Variants in ARPC1A observed in about 807,000 individuals in gnomAD.
The protein encoded by ARPC1A is actin related protein 2/3 complex subunit 1A, also known as actin-related protein 2/3 complex subunit 1A.
A neutral mutation model predicts 46.9 loss-of-function variants in ARPC1A; 8 were observed. The observed-to-expected ratio is 0.17, with a 90% CI of 0.10 to 0.31. The LOEUF is 0.31. Among genes scored for constraint, ARPC1A ranks in the 10% least tolerant of loss-of-function variants. The pLI is 1.00. For missense variants in ARPC1A, 286 were observed against 483.6 expected (o/e 0.59, Z 3.83); for synonymous variants, 152 against 169.0 (o/e 0.90, Z 0.78).
At chr7:99,329,556 A>G (rs998909210) in intron 1 of ARPC1A, among the ~76,000 whole-genome samples, 6 of 152,224 alleles carry the variant, frequency 3.9e-5, no homozygotes, top group African/African-American at 1.4e-4. Flanking sequence ...GGTGCATTCT[A>G]AATTTGACAA....
intron 8 of ARPC1A, among the ~76,000 whole-genome samples, chr7:99,360,534 C>T (rs1374331848): frequency 6.6e-6 from 1 of 152,052 alleles, no homozygotes; most frequent in Non-Finnish European, 1.5e-5. Context: ...ACCCTGTTGG[C>T]CATCCTGGTT....
intron 4 of ARPC1A, among the ~76,000 whole-genome samples, chr7:99,348,633 C>T (rs994759880): frequency 8.5e-5 from 13 of 152,106 alleles, no homozygotes; most frequent in African/African-American, 2.7e-4. Context: ...GACAGAAGAA[C>T]GTTGAATGCT....
At chr7:99,330,135 C>T (rs375556802) in intron 1 of ARPC1A, among the ~76,000 whole-genome samples, 7 of 151,916 alleles carry the variant, frequency 4.6e-5, no homozygotes, top group African/African-American at 1.7e-4. Context: ...AATTCCTAAG[C>T]TTTTTCTTTG....
At chr7:99,352,205 T>C (rs1278001494) in intron 5 of ARPC1A, among the ~76,000 whole-genome samples, 1 of 152,172 alleles carries the variant, frequency 6.6e-6, no homozygotes, top group Admixed American at 6.5e-5. Context: ...CAGGAAAGAA[T>C]GCTGTGGCCA....
At position 99,338,282 on chromosome 7, in the gene ARPC1A, A is replaced by G. The variant is rs932128800; in HGVS notation, c.166A>G (p.Thr56Ala). ...ACTCAAGGAGCACAACGGACACATC[A>G]CAGGTAAAGGAAGATAGCCGTGAGC... Reference protein sequence around the residue: ...HELKEHNGHITGIDWAPKSDR... With the variant: ...HELKEHNGHIAGIDWAPKSDR... Residue 56 changes from threonine (T) to alanine (A), a missense_variant, in exon 3 of 10, where the codon ACA becomes GCA. Thr to Ala is a moderately conservative substitution (Grantham distance 58). This residue lies in a region of ARPC1A where 38 missense variants were observed against 95.8 expected (regional missense o/e 0.40). Coordinates refer to ENST00000262942, the MANE Select transcript of ARPC1A (RefSeq NM_006409.4). 2 of 1,598,936 alleles carry G rather than the reference A, an allele frequency of 1.3e-6. No individual in the cohort carries two copies. The highest frequency in any genetic ancestry group is 1.7e-6 in the Non-Finnish European group (2 of 1,168,020).
chr7:99,344,573 G>A, intron 4 of ARPC1A, 58 bp downstream of exon 4: 2 of 1,531,542 alleles, frequency 1.3e-6, no homozygotes, highest in Non-Finnish European at 1.8e-6. Flanking sequence ...TTGCACTGCT[G>A]TGTGAGGGCT....
rs371871452 is a variant in ARPC1A at position 99,344,013 on chromosome 7, G to C, written c.170-280G>C. Among the ~76,000 whole-genome samples the C allele has an allele frequency of 4.7e-4, 72 of 152,292 alleles. No individual in the cohort carries two copies. The East Asian group carries it at 0.011, about 23-fold the overall frequency. On this transcript the variant is annotated intron_variant, in intron 3 of 9. Coordinates refer to ENST00000262942, the MANE Select transcript of ARPC1A (RefSeq NM_006409.4). ...TAGAAGTCTTAGAAATGTGTGAATG[G>C]GTGGAAAGAATGGCCCCGTTTAGTT...
At chr7:99,345,431 C>CTGTTTAACTA (rs1793429632) in intron 4 of ARPC1A, among the ~76,000 whole-genome samples, 2 of 152,252 alleles carry the variant, frequency 1.3e-5, no homozygotes, top group East Asian at 3.9e-4. Context: ...ACTACTCCTT[C>CTGTTTAACTA]CTGTTTGTTT....
chr7:99,366,046 T>C lies in ARPC1A; in HGVS notation c.*117T>C. The C allele has an allele frequency of 8.2e-7, 1 of 1,214,360 alleles. No individual in the cohort carries two copies. 75.2% of individuals were successfully genotyped at this position (1,214,360 alleles called of 1,614,324 possible). A position where few individuals can be genotyped will look rare whatever the true frequency, so the allele number is the denominator to read the frequency against. On this transcript the variant is annotated 3_prime_UTR_variant, in exon 10 of 10. Transcript: ENST00000262942. ...ACACTGAAAACACATATCACGCCAATGCCGTGTGGTTTTGTTTGAATATAA... is the reference window on the plus strand; with the variant it reads ...ACACTGAAAACACATATCACGCCAACGCCGTGTGGTTTTGTTTGAATATAA...
intron 8 of ARPC1A, among the ~76,000 whole-genome samples, chr7:99,361,975 T>G (rs540028606): frequency 6.6e-6 from 1 of 152,252 alleles, no homozygotes; most frequent in East Asian, 1.9e-4. Flanking sequence ...ATAGTCTCCT[T>G]TTAATTTTTT....
chr7:99,366,039 A>C lies in ARPC1A; in HGVS notation c.*110A>C. 19 of 1,271,572 alleles carry C rather than the reference A, an allele frequency of 1.5e-5. No individual in the cohort carries two copies. Among genetic ancestry groups the C allele is most frequent in the African/African-American group, 6.0e-5 (4 of 67,006 alleles). The allele number at this position is 1,271,572 out of a possible 1,614,324, so 78.8% of individuals were successfully genotyped here. A position where few individuals can be genotyped will look rare whatever the true frequency, so the allele number is the denominator to read the frequency against. ...CAAGGAAACACTGAAAACACATATC[A>C]CGCCAATGCCGTGTGGTTTTGTTTG... On this transcript the variant is annotated 3_prime_UTR_variant, in exon 10 of 10. Coordinates refer to ENST00000262942, the MANE Select transcript of ARPC1A (RefSeq NM_006409.4).
At chr7:99,354,220 C>A in intron 6 of ARPC1A, 99 bp downstream of exon 6, 1 of 1,362,828 alleles carries the variant, frequency 7.3e-7, no homozygotes, top group Non-Finnish European at 1.0e-6. Context: ...GCACAGGGCA[C>A]AAACATAAAA....
chr7:99,334,866 C>T (rs1370182271), intron 2 of ARPC1A, among the ~76,000 whole-genome samples: 4 of 150,510 alleles, frequency 2.7e-5, no homozygotes, highest in Non-Finnish European at 5.9e-5. Context: ...TTTTTTGAGA[C>T]GCAGTCTCGC....
chr7:99,328,266 G>A (rs1257246728), intron 1 of ARPC1A, among the ~76,000 whole-genome samples: 1 of 152,158 alleles, frequency 6.6e-6, no homozygotes, highest in Admixed American at 6.5e-5. Flanking sequence ...CTACTCAGGA[G>A]GCTGAGGCTG....
chr7:99,327,758 T>C (rs949228010), intron 1 of ARPC1A, among the ~76,000 whole-genome samples: 3 of 152,176 alleles, frequency 2.0e-5, no homozygotes, highest in East Asian at 1.9e-4. Context: ...AGTTGTCTCA[T>C]CCAATGCTGA....
intron 8 of ARPC1A, 127 bp downstream of exon 8, chr7:99,359,865 A>G: frequency 2.6e-6 from 3 of 1,134,902 alleles, no homozygotes; most frequent in Admixed American, 2.1e-5. Context: ...GGACAAGTGC[A>G]GCAAGAAGTC....
intron 2 of ARPC1A, among the ~76,000 whole-genome samples, chr7:99,337,834 A>G (rs952380834): frequency 2.6e-5 from 4 of 152,214 alleles, no homozygotes; most frequent in African/African-American, 9.6e-5. Flanking sequence ...ATAATATTGC[A>G]CAGGTGAATG....
chr7:99,359,513 A>C, intron 7 of ARPC1A, 32 bp from the exon 8 acceptor site: 1 of 1,611,266 alleles, frequency 6.2e-7, no homozygotes. Context: ...TGGGCAGTGC[A>C]TCCTCCAGGG....
At chr7:99,333,537 T>A in intron 2 of ARPC1A, 120 bp downstream of exon 2, 1 of 845,450 alleles carries the variant, frequency 1.2e-6, no homozygotes, top group Non-Finnish European at 1.8e-6. Flanking sequence ...ATCTATTATA[T>A]ACATTCAGAA....
Sources: allele counts gnomAD v4.1 joint callset (sites outside exome capture counted in the v4.1 genomes callset), GRCh38; gene constraint gnomAD v4.1.1; regional missense constraint gnomAD v4.1.1; transcripts MANE v1.5; gene names NCBI Gene and HGNC (gene_info 2026-07-23, HGNC 2026-07-21).